Variants in MEF2A observed in about 807,000 individuals in gnomAD.
MEF2A encodes the protein myocyte enhancer factor 2A.
MEF2A carries 28 observed loss-of-function variants against 55.8 expected under a neutral mutation model. The observed-to-expected ratio is 0.50, with a 90% CI of 0.37 to 0.69. The LOEUF (loss-of-function observed/expected upper bound fraction) is 0.69, where lower values mean the gene tolerates loss of function less well. Among genes scored for constraint, MEF2A ranks in the 30% least tolerant of loss-of-function variants. MEF2A has a pLI of 0.00. For synonymous variants in MEF2A, 239 were observed against 227.1 expected (o/e 1.05, Z -0.47); for missense variants, 528 against 626.2 (o/e 0.84, Z 1.67).
At chr15:99,664,161 A>G (rs1282428216) in intron 4 of MEF2A, among the ~76,000 whole-genome samples, 1 of 152,236 alleles carries the variant, frequency 6.6e-6, no homozygotes. Context: ...TTTGAGAAAT[A>G]TGTGACTTGG....
intron 9 of MEF2A, 106 bp downstream of exon 9, chr15:99,703,491 TTAAACAC>T: frequency 9.0e-7 from 1 of 1,105,822 alleles, no homozygotes; most frequent in Non-Finnish European, 1.3e-6. Flanking sequence ...ACAAATTTTT[TTAAACAC>T]TATTCAAACA....
chr15:99,600,048 A>G (rs1381200914), intron 2 of MEF2A, among the ~76,000 whole-genome samples: 1 of 152,132 alleles, frequency 6.6e-6, no homozygotes, highest in Non-Finnish European at 1.5e-5. Flanking sequence ...TTCCCACTCC[A>G]CAGATACTAA....
intron 3 of MEF2A, among the ~76,000 whole-genome samples, chr15:99,641,540 G>A (rs1023563101): frequency 2.0e-5 from 3 of 152,060 alleles, no homozygotes; most frequent in Non-Finnish European, 4.4e-5. Context: ...TGGCTAACAC[G>A]GTGAAACCTG....
At chr15:99,597,236 A>G (rs1297753437) in intron 1 of MEF2A, among the ~76,000 whole-genome samples, 1 of 152,158 alleles carries the variant, frequency 6.6e-6, no homozygotes, top group Admixed American at 6.5e-5. Context: ...TTTTCTCAGC[A>G]TGGAACATCC....
rs1965997000 is a variant in MEF2A, at chr15:99,581,728, G to A, written c.-225+15624G>A. 2.0e-5 allele frequency among the ~76,000 whole-genome samples: 3 copies of A among 151,988 alleles called. No individual in the cohort carries two copies. The South Asian group carries it at 6.2e-4, about 32-fold the overall frequency. On this transcript the variant is annotated intron_variant, in intron 1 of 11. Transcript: ENST00000557942. ...TTCTAGGAGGTAATGGTTTAGGCAG[G>A]GTAAAATCCCATTAATTACTAAGTG... is the stretch of plus-strand genomic sequence containing the variant.
chr15:99,667,376 A>G (rs903212742), intron 4 of MEF2A, among the ~76,000 whole-genome samples: 1 of 152,140 alleles, frequency 6.6e-6, no homozygotes, highest in Admixed American at 6.5e-5. Flanking sequence ...GCCCGCCACC[A>G]CGCCCAGCTA....
chr15:99,645,800 A>T, intron 4 of MEF2A, 36 bp downstream of exon 4: 1 of 1,416,272 alleles, frequency 7.1e-7, no homozygotes, highest in Non-Finnish European at 9.6e-7. Context: ...ATTGCAAGTA[A>T]TACTGAAATA....
intron 1 of MEF2A, among the ~76,000 whole-genome samples, chr15:99,585,921 T>C (rs1293507190): frequency 2.0e-5 from 3 of 152,188 alleles, no homozygotes; most frequent in African/African-American, 7.2e-5. Flanking sequence ...AATTTGTAGG[T>C]TTTTTTCCTA....
intron 2 of MEF2A, among the ~76,000 whole-genome samples, chr15:99,628,288 A>C (rs1370952076): frequency 1.3e-5 from 2 of 152,096 alleles, no homozygotes; most frequent in Non-Finnish European, 2.9e-5. Context: ...TGTGTTTTAC[A>C]TGGTGTGTCT....
chr15:99,618,607 G>C (rs559234181), intron 2 of MEF2A, among the ~76,000 whole-genome samples: 17 of 152,076 alleles, frequency 1.1e-4, no homozygotes, highest in Non-Finnish European at 2.4e-4. Flanking sequence ...TAAAGGGCGT[G>C]ATATATGCAA....
intron 8 of MEF2A, among the ~76,000 whole-genome samples, chr15:99,691,672 T>C (rs1351406989): frequency 6.6e-6 from 1 of 151,882 alleles, no homozygotes; most frequent in Non-Finnish European, 1.5e-5. Flanking sequence ...CACTCCAGCC[T>C]GGGTGACAGA....
intron 1 of MEF2A, among the ~76,000 whole-genome samples, chr15:99,577,607 G>A (rs541029750): frequency 1.1e-4 from 17 of 152,224 alleles, no homozygotes; most frequent in South Asian, 4.1e-4. Context: ...AAGTAATACT[G>A]GTATGATACT....
intron 2 of MEF2A, among the ~76,000 whole-genome samples, chr15:99,629,193 G>T (rs983442597): frequency 6.6e-6 from 1 of 152,106 alleles, no homozygotes; most frequent in Non-Finnish European, 1.5e-5. Context: ...CCAACACTTT[G>T]GGAGGCCGAG....
chr15:99,576,621 A>G (rs576806583), intron 1 of MEF2A, among the ~76,000 whole-genome samples: 1 of 151,566 alleles, frequency 6.6e-6, no homozygotes, highest in Admixed American at 6.6e-5. Flanking sequence ...TTATTCTAGA[A>G]GAAACATAAA....
chr15:99,711,061 C>T (rs896947772), intron 11 of MEF2A, among the ~76,000 whole-genome samples: 1 of 152,180 alleles, frequency 6.6e-6, no homozygotes, highest in African/African-American at 2.4e-5. Flanking sequence ...AGATACCACC[C>T]GCATGCACCA....
At chr15:99,687,560 C>T (rs2054529449) in intron 7 of MEF2A, among the ~76,000 whole-genome samples, 2 of 152,214 alleles carry the variant, frequency 1.3e-5, no homozygotes, top group African/African-American at 4.8e-5. Flanking sequence ...TTCATTCGTG[C>T]TTTAACGTGT....
At chr15:99,695,541 T>TGTGTGTGTGTGTG (rs1555498137) in intron 8 of MEF2A, among the ~76,000 whole-genome samples, 2 of 144,778 alleles carry the variant, frequency 1.4e-5, no homozygotes, top group Non-Finnish European at 3.0e-5. Context: ...ATTGTCAGAT[T>TGTGTGTGTGTGTG]TGTGTGTGTG....
At chr15:99,606,236 A>G (rs536517409) in intron 2 of MEF2A, among the ~76,000 whole-genome samples, 2 of 152,300 alleles carry the variant, frequency 1.3e-5, no homozygotes, top group Admixed American at 6.5e-5. Flanking sequence ...CCATATGCAA[A>G]CATCAGTTTA....
intron 2 of MEF2A, among the ~76,000 whole-genome samples, chr15:99,606,121 C>T (rs910830623): frequency 6.6e-6 from 1 of 152,164 alleles, no homozygotes; most frequent in Non-Finnish European, 1.5e-5. Context: ...TACACGGACA[C>T]TTGCTTTATG....
Sources: gnomAD v4.1 joint callset for allele counts (sites outside exome capture counted in the v4.1 genomes callset) on GRCh38, gnomAD v4.1.1 for gene constraint, MANE v1.5 for transcripts, NCBI Gene and HGNC (gene_info 2026-07-23, HGNC 2026-07-21) for gene names.